Variants in TCF20 observed in about 807,000 individuals in gnomAD.
The protein encoded by TCF20 is SPRE-binding protein.
In TCF20, 3 loss-of-function variants were observed where a neutral mutation model predicts 148.6. The observed-to-expected ratio is 0.02, with a 90% CI of 0.01 to 0.05. The LOEUF is 0.05. TCF20 is among the 10% of genes least tolerant of loss of function. TCF20 has a pLI of 1.00. For synonymous variants in TCF20, 1,049 were observed against 909.5 expected (o/e 1.15, Z -2.76); for missense variants, 2,350 against 2,429.3 (o/e 0.97, Z 0.69).
chr22:42,294,429 C>T (rs192525797), intron 1 of TCF20, among the ~76,000 whole-genome samples: 84 of 152,256 alleles, frequency 5.5e-4, no homozygotes, highest in African/African-American at 1.9e-3. Context: ...ACTCCAGGAG[C>T]GGGAGGGAGG....
At chr22:42,273,723 T>C (rs1926706031), upstream of TCF20, among the ~76,000 whole-genome samples, 1 of 152,190 alleles carries the variant, frequency 6.6e-6, no homozygotes, top group Non-Finnish European at 1.5e-5. Flanking sequence ...AATTACTTAT[T>C]GAACTGAATC....
intron 1 of TCF20, among the ~76,000 whole-genome samples, chr22:42,318,279 C>T (rs962805271): frequency 1.3e-5 from 2 of 152,344 alleles, no homozygotes; most frequent in Admixed American, 6.5e-5. Context: ...ACCACAAGGC[C>T]TCAGCTCCAG....
At chr22:42,234,203 A>G (rs926631396) in intron 1 of TCF20, among the ~76,000 whole-genome samples, 4 of 152,348 alleles carry the variant, frequency 2.6e-5, no homozygotes, top group African/African-American at 9.6e-5. Flanking sequence ...ACAACCTTAG[A>G]AAGAAAATAT....
chr22:42,335,733 C>T (rs1461715940), intron 1 of TCF20, among the ~76,000 whole-genome samples: 2 of 152,200 alleles, frequency 1.3e-5, no homozygotes, highest in South Asian at 2.1e-4. Flanking sequence ...CTTCTGAGTG[C>T]GGCAGAAGCA....
chr22:42,270,274 C>A (rs1300645413), intron 1 of TCF20, among the ~76,000 whole-genome samples, 65 bp downstream of exon 1: 1 of 151,996 alleles, frequency 6.6e-6, no homozygotes, highest in African/African-American at 2.4e-5. Context: ...GCCGGACACC[C>A]CGGCCCGGCC....
At chr22:42,176,490 TC>T (rs1358851955) in intron 3 of TCF20, among the ~76,000 whole-genome samples, 2 of 152,168 alleles carry the variant, frequency 1.3e-5, no homozygotes, top group African/African-American at 4.8e-5. Flanking sequence ...CTCTTCCCCT[TC>T]CCATCAAATT....
rs762837253 is a variant in TCF20, at chr22:42,211,217, A to G, written c.4089T>C (p.Asn1363=). ...TGTTCGAAGATGCGCTCCTCCTAAT[A>G]TTTGGGGATGTAATCTTCTGAACTA... The part of the protein sequence containing the change: ...EAIVQKITSP[N]IRRSASSNSA... Residue 1363 remains asparagine (N), a synonymous_variant, in exon 2 of 6, where the codon AAT becomes AAC. Transcript: ENST00000677622. 3 of 1,614,030 alleles carry G rather than the reference A, an allele frequency of 1.9e-6. No individual in the cohort carries two copies. In the South Asian group the frequency reaches 3.3e-5, roughly 18 times the overall value.
intron 1 of TCF20, among the ~76,000 whole-genome samples, chr22:42,245,707 A>G (rs1041364759): frequency 4.6e-5 from 7 of 152,168 alleles, no homozygotes; most frequent in African/African-American, 1.7e-4. Flanking sequence ...ACTAGCTCTT[A>G]CTAAGCTTTG....
intron 1 of TCF20, among the ~76,000 whole-genome samples, chr22:42,253,467 CATAA>C (rs1925540334): frequency 6.6e-6 from 1 of 152,248 alleles, no homozygotes; most frequent in African/African-American, 2.4e-5. Flanking sequence ...AAAGGGATTA[CATAA>C]ATATATTATC....
chr22:42,188,969 G>A (rs1234186740), intron 2 of TCF20, among the ~76,000 whole-genome samples: 2 of 152,168 alleles, frequency 1.3e-5, no homozygotes, highest in Admixed American at 6.5e-5. Flanking sequence ...TTGAGGGAGT[G>A]TAGCTTGACC....
In TCF20 at chr22:42,338,575, G is replaced by T. The variant is rs572774452; in HGVS notation, c.-37+4904C>A. On this transcript the variant is annotated intron_variant, in intron 1 of 1. Coordinates refer to the TCF20 transcript ENST00000515426. This position sits in a 1 kb window ranked among gnomAD's most constrained non-coding sequence, Gnocchi z 4.0. ...GGAGGCCCGGGAGGGAGGCGGGGAG[G>T]CTGGCGAGAGGCTTAATGAAACTGC... Among the ~76,000 whole-genome samples, 5 of 152,362 alleles carry T rather than the reference G, an allele frequency of 3.3e-5. No individual in the cohort carries two copies. In the South Asian group the frequency reaches 1.0e-3, roughly 32 times the overall value.
chr22:42,162,851 G>A (rs1473852253), intron 5 of TCF20, among the ~76,000 whole-genome samples: 3 of 152,192 alleles, frequency 2.0e-5, no homozygotes, highest in African/African-American at 7.2e-5. Context: ...ACATGCACAT[G>A]CTCTTGCCCA....
intron 1 of TCF20, among the ~76,000 whole-genome samples, chr22:42,244,545 A>T (rs1276145032): frequency 1.3e-5 from 2 of 152,246 alleles, no homozygotes; most frequent in South Asian, 2.1e-4. Flanking sequence ...ATGAAAGGTC[A>T]CATATTGTAC....
At chr22:42,322,664 G>A (rs904817553) in intron 1 of TCF20, among the ~76,000 whole-genome samples, 2 of 151,824 alleles carry the variant, frequency 1.3e-5, no homozygotes, top group East Asian at 1.9e-4. Context: ...GTGAGCAAGC[G>A]CCTGAGTGAG....
intron 2 of TCF20, among the ~76,000 whole-genome samples, chr22:42,199,413 C>T (rs1463331314): frequency 6.6e-6 from 1 of 152,094 alleles, no homozygotes; most frequent in Non-Finnish European, 1.5e-5. Flanking sequence ...TGCATAAAGG[C>T]ACGAGGCTGC....
Position 42,214,115 on chromosome 22 carries a change from C to A in TCF20, c.1191G>T (p.Gln397His), listed in dbSNP as rs1921392107. The A allele has an allele frequency of 1.2e-6, 2 of 1,614,210 alleles. No homozygotes were observed. Among genetic ancestry groups the A allele is most frequent in the South Asian group, 2.2e-5 (2 of 91,090 alleles). ...SPLMQTGENL[Q>H]CGQGSVPMGS... ...CCATAGGCACACTGCCTTGCCCACA[C>A]TGGAGATTCTCCCCAGTCTGCATGA... The change falls in exon 2 of 6, where the codon CAG becomes CAT. Residue 397 changes from glutamine to histidine, a missense_variant. Around this residue, in one of 7 missense-constraint regions of TCF20, gnomAD observed 1,641 missense variants for 1,662.6 expected, o/e 0.99. Coordinates refer to ENST00000677622, the MANE Select transcript of TCF20 (RefSeq NM_001378418.1).
chr22:42,213,222 C>G lies in TCF20; in HGVS notation c.2084G>C (p.Arg695Thr). The change falls in exon 2 of 6, where the codon AGA becomes ACA. Residue 695 changes from arginine (R) to threonine (T), a missense_variant. Arg to Thr is a moderately conservative substitution (Grantham distance 71). This residue lies in a region of TCF20 where 1,641 missense variants were observed against 1,662.6 expected (regional missense o/e 0.99). Transcript: ENST00000677622. ...TCCAGGAGATTTGCTAGGCTCAGTTCTGCTCGTAAAACCAGGGCCCGCTGC... is the reference window on the plus strand; with the variant it reads ...TCCAGGAGATTTGCTAGGCTCAGTTGTGCTCGTAAAACCAGGGCCCGCTGC... The part of the protein sequence containing the change: ...HSAAGPGFTS[R>T]TEPSKSPGSL... The G allele has an allele frequency of 6.2e-7, 1 of 1,614,198 alleles. No individual in the cohort carries two copies. Among genetic ancestry groups the G allele is most frequent in the Non-Finnish European group, 8.5e-7 (1 of 1,180,040 alleles).
At chr22:42,277,796 C>A (rs1299689434) in intron 1 of TCF20, among the ~76,000 whole-genome samples, 1 of 152,200 alleles carries the variant, frequency 6.6e-6, no homozygotes, top group Non-Finnish European at 1.5e-5. Context: ...AAGTGCAGGC[C>A]CTGTGTCACG....
intron 1 of TCF20, among the ~76,000 whole-genome samples, chr22:42,339,960 T>A (rs1789126971): frequency 7.1e-6 from 1 of 141,824 alleles, no homozygotes; most frequent in East Asian, 3.4e-4. Context: ...CCTCAGTCCC[T>A]GCATACTCAG....
Sources: gnomAD v4.1 joint callset for allele counts (sites outside exome capture counted in the v4.1 genomes callset) on GRCh38, gnomAD v4.1.1 for gene constraint, gnomAD v4.1.1 regional missense constraint, Gnocchi (gnomAD v3.1) non-coding constraint, MANE v1.5 for transcripts, NCBI Gene and HGNC (gene_info 2026-07-23, HGNC 2026-07-21) for gene names.